CNTN5: variants seen among roughly 807,000 people sequenced by gnomAD.
CNTN5 encodes contactin 5, also known as contactin-5.
In CNTN5, 77 loss-of-function variants were observed where a neutral mutation model predicts 129.1. The observed-to-expected ratio is 0.60, with a 90% CI of 0.50 to 0.72. The LOEUF is 0.72. CNTN5 is among the 30% of genes least tolerant of loss of function. The pLI is 0.00. For missense variants in CNTN5, 1,478 were observed against 1,328.8 expected (o/e 1.11, Z -1.75); for synonymous variants, 509 against 465.6 (o/e 1.09, Z -1.20).
At chr11:99,028,238 G>A (rs547297771) in intron 1 of CNTN5, among the ~76,000 whole-genome samples, 60 of 151,724 alleles carry the variant, frequency 4.0e-4, no homozygotes, top group South Asian at 3.7e-3. Flanking sequence ...ATTCTTTAAC[G>A]TGGTCTTGTT....
chr11:99,030,640 G>C (rs1454178207), intron 1 of CNTN5, among the ~76,000 whole-genome samples: 1 of 152,106 alleles, frequency 6.6e-6, no homozygotes, highest in Non-Finnish European at 1.5e-5. Flanking sequence ...TAACAAAATA[G>C]TACAGAATAC....
At chr11:99,502,545 G>A (rs991468681) in intron 2 of CNTN5, among the ~76,000 whole-genome samples, 1 of 152,086 alleles carries the variant, frequency 6.6e-6, no homozygotes, top group Non-Finnish European at 1.5e-5. Flanking sequence ...TGAGAGGAAG[G>A]TGCCTTGCTT....
chr11:99,572,580 G>A (rs1949209314), intron 3 of CNTN5, among the ~76,000 whole-genome samples: 1 of 152,124 alleles, frequency 6.6e-6, no homozygotes. Flanking sequence ...CCTTAACACG[G>A]AAATGATCAT....
At chr11:99,385,005 T>C (rs1473235340) in intron 2 of CNTN5, among the ~76,000 whole-genome samples, 5 of 152,202 alleles carry the variant, frequency 3.3e-5, no homozygotes, top group African/African-American at 1.2e-4. Flanking sequence ...CATTCAATTC[T>C]CAAAGTGTTT....
chr11:100,291,276 A>G (rs1320134261), intron 18 of CNTN5, among the ~76,000 whole-genome samples: 2 of 152,014 alleles, frequency 1.3e-5, no homozygotes, highest in Admixed American at 1.3e-4. Flanking sequence ...CCAATGGACT[A>G]TAAATCATGC....
At chr11:100,149,062 T>C (rs1946956619) in intron 13 of CNTN5, among the ~76,000 whole-genome samples, 1 of 152,220 alleles carries the variant, frequency 6.6e-6, no homozygotes, top group Non-Finnish European at 1.5e-5. Flanking sequence ...CAGCGTTTTT[T>C]CAAAAGTTAA....
intron 8 of CNTN5, among the ~76,000 whole-genome samples, chr11:99,997,812 C>A (rs1192645235): frequency 2.0e-5 from 3 of 152,134 alleles, no homozygotes; most frequent in Admixed American, 6.5e-5. Context: ...CCACCATGAT[C>A]AAGTGGGCTT....
chr11:99,210,899 A>T (rs1235120366), intron 1 of CNTN5, among the ~76,000 whole-genome samples: 1 of 152,174 alleles, frequency 6.6e-6, no homozygotes, highest in Non-Finnish European at 1.5e-5. Context: ...AGTGTCTAGT[A>T]CAACATATGT....
At chr11:99,376,610 C>T (rs1940197945) in intron 2 of CNTN5, among the ~76,000 whole-genome samples, 1 of 152,090 alleles carries the variant, frequency 6.6e-6, no homozygotes, top group African/African-American at 2.4e-5. Flanking sequence ...ATTATCTGCC[C>T]ATGTTGTGGT....
intron 15 of CNTN5, among the ~76,000 whole-genome samples, chr11:100,219,513 T>C (rs1205590128): frequency 6.6e-6 from 1 of 152,240 alleles, no homozygotes; most frequent in African/African-American, 2.4e-5. Context: ...TACTCACTTG[T>C]GTTAATGTCA....
chr11:100,010,236 T>C (rs930453808), intron 9 of CNTN5, among the ~76,000 whole-genome samples: 2 of 152,122 alleles, frequency 1.3e-5, no homozygotes, highest in African/African-American at 4.8e-5. Context: ...CCCATACAAG[T>C]TGTTAACTAA....
intron 9 of CNTN5, chr11:100,003,839 C>G (rs554701408): frequency 6.6e-6 from 1 of 152,156 alleles, no homozygotes. Flanking sequence ...GACTGCTTCA[C>G]TCAAGAAGGT....
intron 20 of CNTN5, among the ~76,000 whole-genome samples, chr11:100,303,406 A>T (rs1951273180): frequency 6.6e-6 from 1 of 151,668 alleles, no homozygotes; most frequent in Non-Finnish European, 1.5e-5. Context: ...CCACATTTCA[A>T]GAAATAATGA....
chr11:99,590,586 A>C (rs1407819665), intron 3 of CNTN5, among the ~76,000 whole-genome samples: 1 of 152,250 alleles, frequency 6.6e-6, no homozygotes, highest in African/African-American at 2.4e-5. Flanking sequence ...ATCTCTGTAC[A>C]AATTATGTGT....
intron 18 of CNTN5, among the ~76,000 whole-genome samples, chr11:100,289,575 ACT>A (rs1160665622): frequency 1.3e-5 from 2 of 152,050 alleles, no homozygotes; most frequent in Non-Finnish European, 2.9e-5. Flanking sequence ...CATGCTAAAA[ACT>A]CTCAATAAAT....
At chr11:100,071,971 T>C in intron 12 of CNTN5, 137 bp downstream of exon 12, 2 of 809,018 alleles carry the variant, frequency 2.5e-6, no homozygotes, top group Non-Finnish European at 3.7e-6. Flanking sequence ...TATGTCTTGC[T>C]GATTTTTTTT....
At chr11:100,306,002 A>T (rs60103493) in intron 20 of CNTN5, among the ~76,000 whole-genome samples, 1,945 of 151,534 alleles carry the variant, frequency 0.013, 51 homozygotes, top group African/African-American at 0.045. Flanking sequence ...AGAAGTTCAC[A>T]AATTTTGGGG....
chr11:100,108,156 G>C (rs1591259414), intron 13 of CNTN5, among the ~76,000 whole-genome samples: 1 of 151,914 alleles, frequency 6.6e-6, no homozygotes, highest in Admixed American at 6.6e-5. Flanking sequence ...GCTGAGAACG[G>C]CACCTGATCT....
At chr11:99,191,547 A>G (rs1273229044) in intron 1 of CNTN5, among the ~76,000 whole-genome samples, 1 of 151,842 alleles carries the variant, frequency 6.6e-6, no homozygotes, top group Non-Finnish European at 1.5e-5. Context: ...AACATTCTCC[A>G]AGATAAATAG....
Sources: gnomAD v4.1 joint callset for allele counts (sites outside exome capture counted in the v4.1 genomes callset) on GRCh38, gnomAD v4.1.1 for gene constraint, MANE v1.5 for transcripts, NCBI Gene and HGNC (gene_info 2026-07-23, HGNC 2026-07-21) for gene names.